Variants in DENND4A observed in about 807,000 individuals in gnomAD.
DENND4A encodes C-myc promoter-binding protein.
A neutral mutation model predicts 199.3 loss-of-function variants in DENND4A; 70 were observed. The observed-to-expected ratio is 0.35, with a 90% confidence interval of 0.29 to 0.43. The LOEUF (loss-of-function observed/expected upper bound fraction) is 0.43, where lower values mean the gene tolerates loss of function less well. Ranked by LOEUF, DENND4A falls within the 20% of genes least tolerant of loss-of-function variation. The pLI, the probability that DENND4A is intolerant of heterozygous loss-of-function variation, is 1.00. For synonymous variants in DENND4A, 686 were observed against 766.9 expected (o/e 0.89, Z 1.74); for missense variants, 1,723 against 2,255.8 (o/e 0.76, Z 4.78).
intron 5 of DENND4A, among the ~76,000 whole-genome samples, 198 bp downstream of exon 5, chr15:65,741,513 TAAAA>T (rs1270798339): frequency 1.3e-5 from 2 of 152,184 alleles, no homozygotes; most frequent in African/African-American, 4.8e-5. Flanking sequence ...AGGCTTAAAA[TAAAA>T]ACTCACCTTA....
intron 23 of DENND4A, among the ~76,000 whole-genome samples, chr15:65,683,357 T>C (rs548865704): frequency 9.5e-4 from 145 of 152,350 alleles, no homozygotes; most frequent in Middle Eastern, 3.4e-3. Flanking sequence ...TTGATATTCT[T>C]ATGCTTTCCA....
intron 14 of DENND4A, among the ~76,000 whole-genome samples, chr15:65,711,824 G>A (rs1035105855): frequency 1.3e-5 from 2 of 152,018 alleles, no homozygotes; most frequent in African/African-American, 4.8e-5. Flanking sequence ...TTAATACTTC[G>A]TTGTTGTTGG....
chr15:65,758,555 T>C (rs1388031095), intron 2 of DENND4A, among the ~76,000 whole-genome samples: 2 of 152,096 alleles, frequency 1.3e-5, no homozygotes, highest in African/African-American at 4.8e-5. Flanking sequence ...CAAGAGATTC[T>C]CCCGCCTCAG....
intron 4 of DENND4A, among the ~76,000 whole-genome samples, chr15:65,751,588 G>A (rs1235719473): frequency 6.6e-6 from 1 of 152,156 alleles, no homozygotes; most frequent in Non-Finnish European, 1.5e-5. Flanking sequence ...ACTCCATTGT[G>A]TAGGGATGGG....
rs1328617387 is a variant in DENND4A at position 65,738,785 on chromosome 15, A to G, written c.722T>C (p.Ile241Thr). The change falls in exon 6 of 33, where the codon ATT becomes ACT. Residue 241 changes from isoleucine to threonine, a missense_variant. Ile to Thr is a moderately conservative substitution (Grantham distance 89). Around this residue, in one of 6 missense-constraint regions of DENND4A, gnomAD observed 725 missense variants for 952.9 expected, o/e 0.76. Transcript: ENST00000443035. The stretch of plus-strand genomic sequence containing the variant: ...TTTGCTATTTGATGGCCAACATTCA[A>G]TGGTTGCACCCATTGGTAAACAAAA... Reference protein sequence around the residue: ...PLFCLPMGATIECWPSNSKYP... With the variant: ...PLFCLPMGATTECWPSNSKYP... 1.2e-6 allele frequency: 2 copies of G among 1,612,724 alleles called. No individual in the cohort carries two copies. The highest frequency in any genetic ancestry group is 1.7e-6 in the Non-Finnish European group (2 of 1,179,268).
chr15:65,686,583 A>G (rs752318442), intron 23 of DENND4A, among the ~76,000 whole-genome samples: 5 of 152,164 alleles, frequency 3.3e-5, no homozygotes, highest in Non-Finnish European at 7.3e-5. Flanking sequence ...TATTTTTCAG[A>G]GACAAAGTCT....
intron 3 of DENND4A, chr15:65,754,037 T>C (rs900078275): frequency 3.3e-5 from 5 of 152,064 alleles, no homozygotes; most frequent in Non-Finnish European, 5.9e-5. Context: ...TTTCGCCATG[T>C]TGGTCAAGCT....
intron 14 of DENND4A, among the ~76,000 whole-genome samples, chr15:65,706,495 C>CACACAT (rs1491116316): frequency 3.4e-5 from 3 of 88,348 alleles, no homozygotes; most frequent in African/African-American, 5.3e-5. Flanking sequence ...CACACACACA[C>CACACAT]ATATATATAT....
At chr15:65,714,405 TC>T in intron 14 of DENND4A, among the ~76,000 whole-genome samples, 1 of 131,162 alleles carries the variant, frequency 7.6e-6, no homozygotes, top group East Asian at 2.5e-4. Flanking sequence ...AGAGCGAGAC[TC>T]CGTCTCAAAA....
At chr15:65,667,264 A>AG (rs1747746478) in intron 29 of DENND4A, among the ~76,000 whole-genome samples, 185 bp downstream of exon 29, 1 of 152,368 alleles carries the variant, frequency 6.6e-6, no homozygotes, top group Admixed American at 6.5e-5. Flanking sequence ...CTGTAGCTGG[A>AG]GGCTGCAGTG....
chr15:65,763,969 C>T (rs1032505812), intron 1 of DENND4A, among the ~76,000 whole-genome samples: 2 of 152,036 alleles, frequency 1.3e-5, no homozygotes, highest in Non-Finnish European at 2.9e-5. Flanking sequence ...TAAAATTCAA[C>T]ATCAGTTGTC....
chr15:65,667,551 T>C lies in DENND4A; in HGVS notation c.5139A>G (p.Pro1713=). Reference sequence around the variant, plus strand: ...ACCATACCAGGTTCCAAAAAACAATTGGATGATGGTCCACAAAGTCTGCTA... The same window carrying C: ...ACCATACCAGGTTCCAAAAAACAATCGGATGATGGTCCACAAAGTCTGCTA... The part of the protein sequence containing the change: ...ITVADFVDHH[P]IVFWNLVWYF... The change falls in exon 29 of 33, where the codon CCA becomes CCG. Residue 1713 remains proline, a synonymous_variant. Transcript: ENST00000443035. The C allele has an allele frequency of 6.2e-7, 1 of 1,613,928 alleles. No homozygotes were observed. Among genetic ancestry groups the C allele is most frequent in the Non-Finnish European group, 8.5e-7 (1 of 1,179,870 alleles).
intron 2 of DENND4A, among the ~76,000 whole-genome samples, chr15:65,757,837 C>T (rs527617614): frequency 6.6e-6 from 1 of 152,158 alleles, no homozygotes; most frequent in East Asian, 1.9e-4. Flanking sequence ...ACAAAATTAG[C>T]CAGGCGTGGT....
chr15:65,686,649 C>T (rs915929939), intron 23 of DENND4A, among the ~76,000 whole-genome samples: 3 of 152,138 alleles, frequency 2.0e-5, no homozygotes, highest in African/African-American at 7.2e-5. Flanking sequence ...CCAGACCTCC[C>T]ACCTCAACCT....
intron 20 of DENND4A, among the ~76,000 whole-genome samples, chr15:65,700,123 A>C (rs1352652238): frequency 6.6e-6 from 1 of 152,140 alleles, no homozygotes; most frequent in East Asian, 1.9e-4. Flanking sequence ...ACCTTACATA[A>C]CCATAGTACA....
At chr15:65,692,781 G>A (rs1013068598) in intron 22 of DENND4A, among the ~76,000 whole-genome samples, 1 of 152,094 alleles carries the variant, frequency 6.6e-6, no homozygotes, top group Non-Finnish European at 1.5e-5. Flanking sequence ...AGACCTGGAG[G>A]AATCTTGTAA....
At chr15:65,729,009 C>T in intron 11 of DENND4A, 63 bp downstream of exon 11, 1 of 1,387,058 alleles carries the variant, frequency 7.2e-7, no homozygotes, top group Non-Finnish European at 1.0e-6. Flanking sequence ...ATAAAATATA[C>T]AGTTACATAC....
intron 29 of DENND4A, among the ~76,000 whole-genome samples, chr15:65,667,105 G>A (rs763221583): frequency 6.6e-6 from 1 of 152,218 alleles, no homozygotes; most frequent in Non-Finnish European, 1.5e-5. Context: ...GCTGAGGCAG[G>A]TGGATCATAA....
chr15:65,706,985 AAAT>A (rs1356326484), intron 14 of DENND4A, among the ~76,000 whole-genome samples: 1 of 152,202 alleles, frequency 6.6e-6, no homozygotes, highest in African/African-American at 2.4e-5. Flanking sequence ...TGTAATCAAG[AAAT>A]AATATTTTTT....
Sources: gnomAD v4.1 joint callset for allele counts (sites outside exome capture counted in the v4.1 genomes callset) on GRCh38, gnomAD v4.1.1 for gene constraint, gnomAD v4.1.1 regional missense constraint, MANE v1.5 for transcripts, NCBI Gene and HGNC (gene_info 2026-07-23, HGNC 2026-07-21) for gene names.